The following CDYL2 variants were observed in gnomAD, a reference collection of about 807,000 sequenced individuals.
CDYL2 encodes chromodomain Y-like protein 2.
CDYL2 carries 23 observed loss-of-function variants against 49.4 expected under a neutral mutation model. The ratio of observed to expected loss-of-function variants is 0.47; its 90% CI spans 0.34 to 0.66. The LOEUF (loss-of-function observed/expected upper bound fraction) is 0.66. Ranked by LOEUF, CDYL2 falls within the 30% of genes least tolerant of loss-of-function variation. The probability of loss-of-function intolerance (pLI) is 0.01; values close to 1 mark genes in which losing one functional copy is unlikely to be tolerated. For missense variants in CDYL2, 678 were observed against 656.4 expected, an observed-to-expected ratio of 1.03 and a Z score of -0.36; for synonymous variants, 360 against 268.8, an observed-to-expected ratio of 1.34 and a Z score of -3.32.
intron 1 of CDYL2, among the ~76,000 whole-genome samples, chr16:80,765,648 T>C (rs975363964): frequency 7.1e-6 from 1 of 141,184 alleles, no homozygotes; most frequent in African/African-American, 2.7e-5. Context: ...ATAGCCAAAA[T>C]GTGAAAACAA....
intron 1 of CDYL2, among the ~76,000 whole-genome samples, chr16:80,691,229 C>T (rs1048507506): frequency 6.6e-6 from 1 of 152,160 alleles, no homozygotes; most frequent in African/African-American, 2.4e-5. Flanking sequence ...AGACAACTCC[C>T]TTGGGGGCGG....
chr16:80,621,444 G>A (rs1228352442), intron 3 of CDYL2, among the ~76,000 whole-genome samples: 1 of 152,226 alleles, frequency 6.6e-6, no homozygotes. Context: ...ATCAGATCCA[G>A]ACCTGGGTTC....
intron 4 of CDYL2, among the ~76,000 whole-genome samples, chr16:80,615,973 C>T (rs1027516568): frequency 1.3e-5 from 2 of 152,158 alleles, no homozygotes; most frequent in Admixed American, 6.5e-5. Context: ...TCTGCGATGG[C>T]GGGGCTGCGT....
chr16:80,769,200 A>G (rs886331198), intron 1 of CDYL2, among the ~76,000 whole-genome samples: 2 of 152,210 alleles, frequency 1.3e-5, no homozygotes, highest in African/African-American at 2.4e-5. Context: ...AGTGCTTAGG[A>G]GCACCTGCAT....
chr16:80,702,334 G>A (rs1013001121), intron 1 of CDYL2, among the ~76,000 whole-genome samples: 3 of 151,878 alleles, frequency 2.0e-5, no homozygotes, highest in Admixed American at 2.0e-4. Flanking sequence ...TTCTGCACAT[G>A]TATCCCATTT....
At chr16:80,717,097 G>C (rs1167566865) in intron 1 of CDYL2, among the ~76,000 whole-genome samples, 3 of 150,408 alleles carry the variant, frequency 2.0e-5, no homozygotes, top group Non-Finnish European at 4.4e-5. Context: ...TGAATGATTG[G>C]GTTGACAAAT....
At chr16:80,744,033 T>C (rs1905841296) in intron 1 of CDYL2, among the ~76,000 whole-genome samples, 1 of 129,904 alleles carries the variant, frequency 7.7e-6, no homozygotes, top group East Asian at 2.3e-4. Context: ...CATTCATTCA[T>C]TTATTCACCC....
intron 2 of CDYL2, among the ~76,000 whole-genome samples, chr16:80,669,832 T>G (rs1909425752): frequency 6.6e-6 from 1 of 152,198 alleles, no homozygotes; most frequent in Non-Finnish European, 1.5e-5. Flanking sequence ...TGGGCTGTGG[T>G]GACACATGGC....
rs188683262 is a variant in CDYL2, at chr16:80,690,732, T to G, written c.25-5603A>C. ...ACTCCTGCCAATTTCCTTGAAGTCC[T>G]GAAGCATCTTTCCATCACTTCGGAT... On this transcript the variant is annotated intron_variant, in intron 1 of 6. Coordinates refer to ENST00000570137, the MANE Select transcript of CDYL2 (RefSeq NM_152342.4). Among the ~76,000 whole-genome samples the G allele has an allele frequency of 4.8e-3, 724 of 152,296 alleles. 7 individuals carry two copies. Among genetic ancestry groups the G allele is most frequent in the African/African-American group, 0.016 (653 of 41,566 alleles).
At chr16:80,752,521 AG>A (rs1906171605) in intron 1 of CDYL2, among the ~76,000 whole-genome samples, 1 of 152,238 alleles carries the variant, frequency 6.6e-6, no homozygotes, top group Admixed American at 6.5e-5. Context: ...TAAGAAAAAA[AG>A]TCACATTATC....
intron 2 of CDYL2, among the ~76,000 whole-genome samples, chr16:80,670,469 T>C (rs1005921504): frequency 6.6e-6 from 1 of 152,172 alleles, no homozygotes; most frequent in Non-Finnish European, 1.5e-5. Flanking sequence ...TCCACAGCCC[T>C]GGGGAACCGT....
chr16:80,666,395 T>G (rs1301420343), intron 2 of CDYL2, among the ~76,000 whole-genome samples: 2 of 152,164 alleles, frequency 1.3e-5, no homozygotes, highest in African/African-American at 4.8e-5. Context: ...GGGCATTCGC[T>G]CTCTCATAGC....
intron 1 of CDYL2, among the ~76,000 whole-genome samples, chr16:80,749,703 G>T (rs182239366): frequency 8.6e-5 from 13 of 151,882 alleles, no homozygotes; most frequent in African/African-American, 3.1e-4. Flanking sequence ...AGTTCAGGGG[G>T]AAAAATAGCC....
chr16:80,634,952 G>A (rs1005343555), intron 2 of CDYL2, among the ~76,000 whole-genome samples: 3 of 152,184 alleles, frequency 2.0e-5, no homozygotes, highest in East Asian at 1.9e-4. Flanking sequence ...CAGGTTCAGA[G>A]GAACACTTCC....
chr16:80,663,594 ATTTT>A (rs149598138), intron 2 of CDYL2, among the ~76,000 whole-genome samples: 2 of 151,068 alleles, frequency 1.3e-5, no homozygotes, highest in South Asian at 4.2e-4. Flanking sequence ...AGATGTCTAA[ATTTT>A]TTTTTTCTTT....
At chr16:80,787,850 G>C (rs756619963) in intron 1 of CDYL2, among the ~76,000 whole-genome samples, 1 of 152,086 alleles carries the variant, frequency 6.6e-6, no homozygotes, top group African/African-American at 2.4e-5. Flanking sequence ...TTAGTAATGT[G>C]CATGCTCTGG....
intron 1 of CDYL2, among the ~76,000 whole-genome samples, chr16:80,712,191 G>GTGTGTA (rs1555532109): frequency 9.3e-6 from 1 of 107,934 alleles, no homozygotes; most frequent in African/African-American, 2.9e-5. Context: ...GTCTGTGTGT[G>GTGTGTA]TATATATATA....
intron 1 of CDYL2, among the ~76,000 whole-genome samples, chr16:80,691,238 G>A (rs1354295146): frequency 2.6e-5 from 4 of 152,158 alleles, no homozygotes; most frequent in Admixed American, 2.0e-4. Context: ...CCTTGGGGGC[G>A]GAAGGGCGAA....
intron 1 of CDYL2, among the ~76,000 whole-genome samples, chr16:80,718,351 A>T (rs545533049): frequency 6.6e-6 from 1 of 152,330 alleles, no homozygotes; most frequent in East Asian, 1.9e-4. Context: ...TTAAAACTGA[A>T]CTATTACCTT....
Sources: gnomAD v4.1 joint callset for allele counts (sites outside exome capture counted in the v4.1 genomes callset) on GRCh38, gnomAD v4.1.1 for gene constraint, MANE v1.5 for transcripts, NCBI Gene and HGNC (gene_info 2026-07-23, HGNC 2026-07-21) for gene names.